Variants in COG4 observed in about 807,000 individuals in gnomAD.
COG4 encodes the protein conserved oligomeric Golgi complex subunit 4.
A neutral mutation model predicts 95.1 loss-of-function variants in COG4; 65 were observed. That is an observed-to-expected ratio of 0.68 (90% CI 0.56 to 0.84). The LOEUF (loss-of-function observed/expected upper bound fraction) is 0.84. COG4 is among the 40% of genes least tolerant of loss of function. The pLI is 0.00. For synonymous variants in COG4, 421 were observed against 374.8 expected, an observed-to-expected ratio of 1.12 and a Z score of -1.42; for missense variants, 1,045 against 989.1, an observed-to-expected ratio of 1.06 and a Z score of -0.76.
chr16:70,504,436 CT>C (rs2049516882), intron 8 of COG4, among the ~76,000 whole-genome samples: 2 of 151,934 alleles, frequency 1.3e-5, no homozygotes, highest in South Asian at 4.2e-4. Context: ...GTGAAACCCC[CT>C]CTCCACTAAA....
At chr16:70,491,520 C>CCAA (rs1365829104) in intron 12 of COG4, among the ~76,000 whole-genome samples, 1 of 54,838 alleles carries the variant, frequency 1.8e-5, no homozygotes, top group African/African-American at 9.2e-5. Context: ...GACTCTGTCT[C>CCAA]AAAAAAAAAA....
At chr16:70,497,460 T>C (rs922207305) in intron 10 of COG4, 73 bp from the exon 11 acceptor site, 90 of 1,444,568 alleles carry the variant, frequency 6.2e-5, no homozygotes, top group Non-Finnish European at 8.6e-5. Flanking sequence ...CTGGGTACAC[T>C]GGCCCTAGCT....
chr16:70,506,558 T>C (rs2049571692), intron 8 of COG4, among the ~76,000 whole-genome samples: 1 of 121,474 alleles, frequency 8.2e-6, no homozygotes, highest in Non-Finnish European at 1.6e-5. Flanking sequence ...ACCATGCCAC[T>C]GCACTCCAGC....
chr16:70,500,118 C>T (rs1048411303), intron 9 of COG4, among the ~76,000 whole-genome samples: 3 of 151,788 alleles, frequency 2.0e-5, no homozygotes, highest in Non-Finnish European at 2.9e-5. Flanking sequence ...ATGCGTGAGC[C>T]ACCATACCCA....
chr16:70,485,976 A>G (rs941143004), intron 13 of COG4, among the ~76,000 whole-genome samples: 1 of 151,392 alleles, frequency 6.6e-6, no homozygotes, highest in Non-Finnish European at 1.5e-5. Flanking sequence ...GTTCACTGCA[A>G]GCTCCGCCTC....
chr16:70,520,211 G>A (rs1166208808), intron 1 of COG4, among the ~76,000 whole-genome samples: 2 of 152,016 alleles, frequency 1.3e-5, no homozygotes, highest in East Asian at 1.9e-4. Flanking sequence ...CAAGGCAGGC[G>A]GATCACGAGG....
chr16:70,523,347 G>A (rs888347507), intron 1 of COG4, 26 bp downstream of exon 1: 7 of 1,613,650 alleles, frequency 4.3e-6, no homozygotes, highest in Non-Finnish European at 5.9e-6. Flanking sequence ...GATCCTCCAT[G>A]AAAAAGAAGA....
intron 9 of COG4, among the ~76,000 whole-genome samples, chr16:70,499,816 CG>C (rs2049411336): frequency 6.6e-6 from 1 of 152,110 alleles, no homozygotes; most frequent in African/African-American, 2.4e-5. Flanking sequence ...CCCGCCACCA[CG>C]CCCGGCTAAT....
Position 70,481,870 on chromosome 16 carries a change from A to G in COG4, c.2005-5T>C, listed in dbSNP as rs1486122337. On this transcript the variant is annotated splice_region_variant and splice_polypyrimidine_tract_variant and intron_variant, in intron 16 of 18. Transcript: ENST00000323786. Reference sequence around the variant, plus strand: ...GATGACCGGGGACAGGCTGGCCTGCACACAGAGGGTTGACATCAGCCGAGC... The same window carrying G: ...GATGACCGGGGACAGGCTGGCCTGCGCACAGAGGGTTGACATCAGCCGAGC... The G allele has an allele frequency of 3.7e-6, 6 of 1,612,334 alleles. No individual in the cohort carries two copies. The highest frequency in any genetic ancestry group is 5.1e-6 in the Non-Finnish European group (6 of 1,179,024).
At chr16:70,508,755 G>T (rs768127898) in intron 7 of COG4, 1 of 608,308 alleles carries the variant, frequency 1.6e-6, no homozygotes, top group Non-Finnish European at 3.1e-6. Context: ...AAATACAATT[G>T]TATGAGGCCA....
chr16:70,523,498 C>A lies in COG4; in HGVS notation c.46G>T (p.Gly16Trp). The change falls in exon 1 of 19, where the codon GGG becomes TGG. Residue 16 changes from glycine to tryptophan, a missense_variant. Transcript: ENST00000323786. ...ACCCCCTCAGACGGCTGCTGCACCC[C>A]TGACAGCTTCGGAGGCGAATCAAGG... is the stretch of plus-strand genomic sequence containing the variant. ...ADLDSPPKLS[G>W]VQQPSEGVGG... 6.2e-7 allele frequency: 1 copy of A among 1,614,144 alleles called. No individual in the cohort carries two copies. The highest frequency in any genetic ancestry group is 1.7e-5 in the Admixed American group (1 of 60,010).
chr16:70,506,319 C>T (rs900996797), intron 8 of COG4, among the ~76,000 whole-genome samples: 9 of 151,990 alleles, frequency 5.9e-5, no homozygotes, highest in South Asian at 2.1e-4. Flanking sequence ...AGGAGAATGG[C>T]GTGAATCCAG....
At chr16:70,508,040 C>A (rs2049615480) in intron 8 of COG4, among the ~76,000 whole-genome samples, 2 of 151,696 alleles carry the variant, frequency 1.3e-5, no homozygotes, top group Admixed American at 1.3e-4. Context: ...CCTGCCTCAG[C>A]CTCCCGAGTA....
intron 15 of COG4, 145 bp downstream of exon 15, chr16:70,482,584 G>A: frequency 1.4e-6 from 1 of 722,528 alleles, no homozygotes; most frequent in South Asian, 1.5e-5. Flanking sequence ...TTCCTGGGAG[G>A]AACCTAGTCT....
At chr16:70,495,857 A>T (rs1304230847) in intron 12 of COG4, among the ~76,000 whole-genome samples, 4 of 152,256 alleles carry the variant, frequency 2.6e-5, no homozygotes, top group Non-Finnish European at 5.9e-5. Flanking sequence ...CTAGCAGAGC[A>T]GTGATGGCAG....
intron 9 of COG4, among the ~76,000 whole-genome samples, chr16:70,499,850 C>T (rs931564469): frequency 1.3e-5 from 2 of 152,040 alleles, no homozygotes; most frequent in African/African-American, 4.8e-5. Flanking sequence ...TTAGTAGAGA[C>T]GGAGTTTCAC....
chr16:70,481,902 T>C, intron 16 of COG4, 37 bp from the exon 17 acceptor site: 1 of 1,563,932 alleles, frequency 6.4e-7, no homozygotes, highest in Non-Finnish European at 8.8e-7. Context: ...GAGCCCCACC[T>C]AACTCCTCTG....
intron 3 of COG4, among the ~76,000 whole-genome samples, chr16:70,516,410 C>T (rs1188348807): frequency 6.6e-6 from 1 of 151,876 alleles, no homozygotes; most frequent in Non-Finnish European, 1.5e-5. Flanking sequence ...TATTCTCCTG[C>T]CTCAGACTCC....
At chr16:70,505,938 G>C (rs1259190681) in intron 8 of COG4, among the ~76,000 whole-genome samples, 1 of 151,678 alleles carries the variant, frequency 6.6e-6, no homozygotes, top group Non-Finnish European at 1.5e-5. Flanking sequence ...TTGAGATCTG[G>C]GGTTCAAGAC....
Sources: allele counts gnomAD v4.1 joint callset (sites outside exome capture counted in the v4.1 genomes callset), GRCh38; gene constraint gnomAD v4.1.1; transcripts MANE v1.5; gene names NCBI Gene and HGNC (gene_info 2026-07-23, HGNC 2026-07-21).